Variants in TOX2 observed in about 807,000 individuals in gnomAD.
TOX2 encodes the protein granulosa cell HMG box 1.
In TOX2, 15 loss-of-function variants were observed where a neutral mutation model predicts 47.4. The ratio of observed to expected loss-of-function variants is 0.32; its 90% CI spans 0.21 to 0.49. The LOEUF (loss-of-function observed/expected upper bound fraction) is 0.49, where lower values mean the gene tolerates loss of function less well. TOX2 is among the 20% of genes least tolerant of loss of function. TOX2 has a pLI of 0.99. For synonymous variants in TOX2, 290 were observed against 296.6 expected (o/e 0.98, Z 0.23); for missense variants, 622 against 673.1 (o/e 0.92, Z 0.84).
chr20:43,917,385 G>A (rs936714490), intron 1 of TOX2, among the ~76,000 whole-genome samples: 2 of 152,172 alleles, frequency 1.3e-5, no homozygotes, highest in Non-Finnish European at 2.9e-5. Flanking sequence ...CAAAGCTGGA[G>A]GGGAAACAGG....
chr20:44,027,863 A>G (rs1210683143), intron 3 of TOX2, among the ~76,000 whole-genome samples: 8 of 152,036 alleles, frequency 5.3e-5, no homozygotes, highest in Admixed American at 1.3e-4. Flanking sequence ...GAGGTGGAGG[A>G]TGTAGGAGGG....
intron 3 of TOX2, among the ~76,000 whole-genome samples, chr20:44,038,270 C>T (rs2145710117): frequency 6.6e-6 from 1 of 152,212 alleles, no homozygotes; most frequent in Middle Eastern, 3.4e-3. Context: ...CGTGGCTCCA[C>T]CTGTGGTCCC....
chr20:43,992,867 GAA>G, intron 2 of TOX2, among the ~76,000 whole-genome samples: 1 of 134,278 alleles, frequency 7.4e-6, no homozygotes, highest in Admixed American at 7.2e-5. Flanking sequence ...AAAAAAAAAA[GAA>G]AAAATGGTGG....
At chr20:44,057,457 A>G (rs2071640795) in intron 5 of TOX2, among the ~76,000 whole-genome samples, 1 of 152,026 alleles carries the variant, frequency 6.6e-6, no homozygotes, top group Non-Finnish European at 1.5e-5. Flanking sequence ...CTATTAATAC[A>G]CTAATAACCA....
chr20:43,950,822 G>A (rs147239800), intron 1 of TOX2, among the ~76,000 whole-genome samples: 10 of 152,144 alleles, frequency 6.6e-5, no homozygotes, highest in East Asian at 1.9e-4. Context: ...ATGCAAGAGC[G>A]TAAACTCCAG....
rs886704615 is a variant in TOX2 at position 43,916,961 on chromosome 20, C to A, written c.99+1971C>A. 6.6e-6 allele frequency among the ~76,000 whole-genome samples: 1 copy of A among 152,010 alleles called. No individual in the cohort carries two copies. Among genetic ancestry groups the A allele is most frequent in the Non-Finnish European group, 1.5e-5 (1 of 68,012 alleles). ...TGTGCGAATCTCGCCGGGAAGGGCC[C>A]GTCAGGGAGGGAATGAGAAGCCGGC... On this transcript the variant is annotated intron_variant, in intron 1 of 8. Transcript: ENST00000341197. The surrounding 1 kb of genome is among the most constrained non-coding windows in gnomAD (Gnocchi z 5.0).
intron 3 of TOX2, among the ~76,000 whole-genome samples, chr20:44,049,622 G>A (rs1342325127): frequency 6.6e-6 from 1 of 152,190 alleles, no homozygotes; most frequent in Non-Finnish European, 1.5e-5. Context: ...GTATGCATTA[G>A]CATTTTTCTT....
At chr20:43,985,268 A>G (rs554061404) in intron 2 of TOX2, among the ~76,000 whole-genome samples, 1 of 152,284 alleles carries the variant, frequency 6.6e-6, no homozygotes, top group Admixed American at 6.5e-5. Flanking sequence ...CCCTTCACCC[A>G]CTGCCTGAGC....
chr20:44,017,764 T>C (rs532281884), intron 3 of TOX2, among the ~76,000 whole-genome samples: 3 of 152,328 alleles, frequency 2.0e-5, no homozygotes, highest in Admixed American at 1.3e-4. Context: ...GTTGCCATTT[T>C]ACAGATGAGA....
At chr20:43,920,261 T>G (rs2069099024) in intron 1 of TOX2, among the ~76,000 whole-genome samples, 1 of 152,228 alleles carries the variant, frequency 6.6e-6, no homozygotes, top group African/African-American at 2.4e-5. Context: ...GCACAGCATC[T>G]TGTAAGGATG....
intron 3 of TOX2, among the ~76,000 whole-genome samples, chr20:44,010,717 T>C (rs2070764769): frequency 6.6e-6 from 1 of 152,158 alleles, no homozygotes; most frequent in Admixed American, 6.5e-5. Flanking sequence ...AAACGTTTTC[T>C]TGCATAATCC....
At chr20:43,927,508 CACAT>C (rs2069184624) in intron 1 of TOX2, among the ~76,000 whole-genome samples, 1 of 126,750 alleles carries the variant, frequency 7.9e-6, no homozygotes, top group African/African-American at 3.5e-5. Flanking sequence ...CACACACACA[CACAT>C]CATGAGATAT....
At chr20:43,944,091 G>A (rs1441725530) in intron 1 of TOX2, among the ~76,000 whole-genome samples, 3 of 151,962 alleles carry the variant, frequency 2.0e-5, no homozygotes, top group Non-Finnish European at 2.9e-5. Flanking sequence ...TCTTTGTATC[G>A]CGGTGCAAAA....
intron 1 of TOX2, among the ~76,000 whole-genome samples, chr20:43,931,924 G>C (rs1175130062): frequency 6.6e-6 from 1 of 152,222 alleles, no homozygotes; most frequent in African/African-American, 2.4e-5. Context: ...GCCCCTATTG[G>C]GCAGCGCAGA....
chr20:44,002,665 T>TG (rs1391494118), intron 2 of TOX2, among the ~76,000 whole-genome samples: 3 of 152,206 alleles, frequency 2.0e-5, no homozygotes, highest in Non-Finnish European at 4.4e-5. Context: ...TGTATCAGCA[T>TG]GGCACCCACA....
intron 2 of TOX2, among the ~76,000 whole-genome samples, chr20:43,987,872 T>C (rs6031275): frequency 0.81 from 121,888 of 150,690 alleles, 50,102 homozygotes; most frequent in African/African-American, 0.95. Context: ...TTCTATTTCC[T>C]TGTGGACAGA....
intron 2 of TOX2, among the ~76,000 whole-genome samples, chr20:43,994,852 T>C (rs2070442880): frequency 6.6e-6 from 1 of 152,194 alleles, no homozygotes; most frequent in Admixed American, 6.5e-5. Context: ...CTATGATGCC[T>C]CTGTCTGCCC....
chr20:43,968,405 A>C (rs1394614861), intron 1 of TOX2, among the ~76,000 whole-genome samples: 2 of 152,130 alleles, frequency 1.3e-5, no homozygotes, highest in African/African-American at 4.8e-5. Context: ...TTGGCTGCCT[A>C]TTTGCTAAGT....
At chr20:43,976,931 TAG>T (rs2070090565) in intron 2 of TOX2, among the ~76,000 whole-genome samples, 5 of 152,196 alleles carry the variant, frequency 3.3e-5, no homozygotes, top group Non-Finnish European at 7.3e-5. Flanking sequence ...TCACAGCCAC[TAG>T]AGGATTCAGA....
Sources: allele counts gnomAD v4.1 joint callset (sites outside exome capture counted in the v4.1 genomes callset), GRCh38; gene constraint gnomAD v4.1.1; non-coding constraint Gnocchi (gnomAD v3.1); transcripts MANE v1.5; gene names NCBI Gene and HGNC (gene_info 2026-07-23, HGNC 2026-07-21).